The following TMEFF1 variants were observed in gnomAD, a reference collection of about 807,000 sequenced individuals.
TMEFF1 encodes the protein tomoregulin-1.
TMEFF1 carries 20 observed loss-of-function variants against 47.5 expected under a neutral mutation model. The observed-to-expected ratio is 0.42, with a 90% confidence interval of 0.30 to 0.61. The LOEUF (loss-of-function observed/expected upper bound fraction) is 0.61. TMEFF1 is among the 20% of genes least tolerant of loss of function. The pLI, the probability that TMEFF1 is intolerant of heterozygous loss-of-function variation, is 0.19. For synonymous variants in TMEFF1, 162 were observed against 166.3 expected, an observed-to-expected ratio of 0.97 and a Z score of 0.20; for missense variants, 411 against 471.1, an observed-to-expected ratio of 0.87 and a Z score of 1.18.
Position 100,576,801 on chromosome 9 carries a change from C to A in TMEFF1, c.*201C>A. On this transcript the variant is annotated 3_prime_UTR_variant, in exon 10 of 10. Transcript: ENST00000374879. ...TTTATGTTTTTAAATACAGAAATTG[C>A]TTTCACAAATTTGTACCACATGGTA... is the stretch of plus-strand genomic sequence containing the variant. The A allele has an allele frequency of 1.9e-6, 1 of 518,210 alleles. No homozygotes were observed. The highest frequency in any genetic ancestry group is 3.1e-6 in the Non-Finnish European group (1 of 321,156). 32.1% of individuals were successfully genotyped at this position (518,210 alleles called of 1,614,324 possible). A position where few individuals can be genotyped will look rare whatever the true frequency, so the allele number is the denominator to read the frequency against.
chr9:100,555,162 GACACACACACAC>G (rs112017161), intron 7 of TMEFF1, among the ~76,000 whole-genome samples: 5 of 144,480 alleles, frequency 3.5e-5, no homozygotes, highest in Middle Eastern at 3.4e-3. Flanking sequence ...TGTACACACA[GACACACACACAC>G]ACACACACAC....
At chr9:100,576,180 A>G (rs533639220) in intron 9 of TMEFF1, among the ~76,000 whole-genome samples, 2 of 152,280 alleles carry the variant, frequency 1.3e-5, no homozygotes, top group South Asian at 4.1e-4. Flanking sequence ...GTTATCAGTC[A>G]CTGTGACTAG....
chr9:100,485,171 C>T lies in TMEFF1; in HGVS notation c.196+11431C>T, dbSNP rs1188765381. The stretch of plus-strand genomic sequence containing the variant: ...ATATTTCATTGTCTCGATAATACCA[C>T]ATTTTGTTTATCCATTCAGTATCCA... On this transcript the variant is annotated intron_variant, in intron 1 of 9. Transcript: ENST00000374879. Among the ~76,000 whole-genome samples, 5 of 152,146 alleles carry T rather than the reference C, an allele frequency of 3.3e-5. No individual in the cohort carries two copies. In the East Asian group the frequency reaches 9.6e-4, roughly 29 times the overall value.
At chr9:100,520,775 G>C (rs1234009048) in intron 5 of TMEFF1, among the ~76,000 whole-genome samples, 2 of 152,146 alleles carry the variant, frequency 1.3e-5, no homozygotes, top group African/African-American at 4.8e-5. Context: ...ATTTTTATAG[G>C]TGAAGGTGAG....
intron 1 of TMEFF1, among the ~76,000 whole-genome samples, chr9:100,491,299 T>A (rs1837547570): frequency 1.3e-5 from 2 of 152,182 alleles, no homozygotes. Context: ...CAGGGTCCTG[T>A]CAGATTGGAT....
intron 9 of TMEFF1, among the ~76,000 whole-genome samples, chr9:100,574,032 T>G (rs1472583225): frequency 3.3e-5 from 5 of 152,232 alleles, no homozygotes; most frequent in Admixed American, 6.5e-5. Flanking sequence ...GACTAGTAAG[T>G]GGAATTGTCT....
chr9:100,476,466 C>T (rs1442918324), intron 1 of TMEFF1, among the ~76,000 whole-genome samples: 2 of 152,070 alleles, frequency 1.3e-5, no homozygotes, highest in African/African-American at 4.8e-5. Flanking sequence ...GCAATCCTGG[C>T]TGACTGCAAC....
At chr9:100,489,925 A>T (rs370473477) in intron 1 of TMEFF1, among the ~76,000 whole-genome samples, 1 of 152,150 alleles carries the variant, frequency 6.6e-6, no homozygotes, top group Non-Finnish European at 1.5e-5. Context: ...TTAACCACTC[A>T]ACTCTGTACC....
At chr9:100,570,289 T>C (rs867719972) in intron 8 of TMEFF1, among the ~76,000 whole-genome samples, 1 of 152,238 alleles carries the variant, frequency 6.6e-6, no homozygotes, top group South Asian at 2.1e-4. Flanking sequence ...CCTATAGTTA[T>C]ATACCCAGTA....
At chr9:100,527,047 A>T (rs553955643) in intron 5 of TMEFF1, among the ~76,000 whole-genome samples, 29 of 151,000 alleles carry the variant, frequency 1.9e-4, no homozygotes, top group African/African-American at 7.1e-4. Flanking sequence ...GGAGGCTGAG[A>T]CACAAGAATC....
At chr9:100,475,659 T>C (rs1837209647) in intron 1 of TMEFF1, among the ~76,000 whole-genome samples, 2 of 151,594 alleles carry the variant, frequency 1.3e-5, no homozygotes, top group Non-Finnish European at 1.5e-5. Context: ...AGAAAGGAAA[T>C]AAAAGAAATA....
chr9:100,529,187 C>T (rs1381918266), intron 5 of TMEFF1, among the ~76,000 whole-genome samples: 1 of 149,626 alleles, frequency 6.7e-6, no homozygotes, highest in South Asian at 2.1e-4. Flanking sequence ...CATCAACTAA[C>T]GAGCAAAATA....
intron 5 of TMEFF1, among the ~76,000 whole-genome samples, chr9:100,541,621 G>A (rs750781532): frequency 1.1e-4 from 17 of 151,846 alleles, no homozygotes; most frequent in Non-Finnish European, 2.2e-4. Context: ...ATCTGCCTGC[G>A]TCAGCCTCCC....
chr9:100,516,799 G>A, intron 5 of TMEFF1, 28 bp downstream of exon 5: 1 of 1,606,350 alleles, frequency 6.2e-7, no homozygotes, highest in Non-Finnish European at 8.5e-7. Context: ...AAGGGACAAA[G>A]TTATTTAGAG....
Position 100,550,270 on chromosome 9 carries a change from A to G in TMEFF1, c.775+110A>G, listed in dbSNP as rs537136528. 5.8e-6 allele frequency: 6 copies of G among 1,026,352 alleles called. No individual in the cohort carries two copies. The South Asian group carries it at 7.6e-5, about 13-fold the overall frequency. 63.6% of individuals were successfully genotyped at this position (1,026,352 alleles called of 1,614,324 possible). A position where few individuals can be genotyped will look rare whatever the true frequency, so the allele number is the denominator to read the frequency against. ...CAACACCTCTAACTTTGCTCTCTAT[A>G]GTAATATACCTAACACAGTTAATTA... On this transcript the variant is annotated intron_variant, in intron 7 of 9. Coordinates refer to ENST00000374879, the MANE Select transcript of TMEFF1 (RefSeq NM_003692.5).
At chr9:100,531,345 C>T (rs148912537) in intron 5 of TMEFF1, among the ~76,000 whole-genome samples, 15,607 of 152,240 alleles carry the variant, frequency 0.1, 995 homozygotes, top group Middle Eastern at 0.18. Context: ...ACCCGACTGT[C>T]TCAGCCCAAA....
chr9:100,529,354 G>A (rs1330020396), intron 5 of TMEFF1, among the ~76,000 whole-genome samples: 16 of 151,170 alleles, frequency 1.1e-4, no homozygotes, highest in African/African-American at 3.9e-4. Context: ...CCCATCTCAT[G>A]TGCAGAGACA....
At chr9:100,518,538 C>CAAGCA (rs1838110185) in intron 5 of TMEFF1, 1 of 981,276 alleles carries the variant, frequency 1.0e-6, no homozygotes, top group African/African-American at 1.7e-5. Context: ...AAGCAGCCAA[C>CAAGCA]GTCAGGCAAG....
At chr9:100,552,608 A>T (rs1480668258) in intron 7 of TMEFF1, among the ~76,000 whole-genome samples, 4 of 152,168 alleles carry the variant, frequency 2.6e-5, no homozygotes, top group Non-Finnish European at 5.9e-5. Flanking sequence ...TGAATGAGAG[A>T]GAGTATTGTC....
Sources: gnomAD v4.1 joint callset for allele counts (sites outside exome capture counted in the v4.1 genomes callset) on GRCh38, gnomAD v4.1.1 for gene constraint, MANE v1.5 for transcripts, NCBI Gene and HGNC (gene_info 2026-07-23, HGNC 2026-07-21) for gene names.